The following SS18L1 variants were observed in gnomAD, a reference collection of about 807,000 sequenced individuals.
SS18L1 encodes SS18L1 subunit of BAF chromatin remodeling complex.
In SS18L1, 32 loss-of-function variants were observed where a neutral mutation model predicts 70.3. The ratio of observed to expected loss-of-function variants is 0.46; its 90% confidence interval spans 0.34 to 0.61. SS18L1 has a LOEUF of 0.61. Ranked by LOEUF, SS18L1 falls within the 20% of genes least tolerant of loss-of-function variation. SS18L1 has a pLI of 0.01. For synonymous variants in SS18L1, 237 were observed against 229.7 expected (o/e 1.03, Z -0.29); for missense variants, 430 against 542.1 (o/e 0.79, Z 2.05).
chr20:62,165,511 G>T lies in SS18L1; in HGVS notation c.913G>T (p.Gly305Trp). 6.2e-7 allele frequency: 1 copy of T among 1,611,398 alleles called. No individual in the cohort carries two copies. Among genetic ancestry groups the T allele is most frequent in the East Asian group, 2.2e-5 (1 of 44,788 alleles). ...GGAGTCCACGCAGCACTACTATGAG[G>T]GGGGTAAGGAGCACGGCTGCGTGCT... ...FEESTQHYYE[G>W]GNSQYSQQQA... The change falls in exon 8 of 11, where the codon GGG (glycine) becomes TGG (tryptophan). Residue 305 changes from glycine to tryptophan, a missense_variant. Transcript: ENST00000331758.
rs919860929 is a variant in SS18L1 at position 62,174,692 on chromosome 20, G to A, written c.1164+48G>A. On this transcript the variant is annotated intron_variant, in intron 10 of 10. Transcript: ENST00000331758. This position sits in a 1 kb window ranked among gnomAD's most constrained non-coding sequence, Gnocchi z 4.1. The stretch of plus-strand genomic sequence containing the variant: ...GATGTGCCCATCCGCCGCGCCTGTC[G>A]AGACATAATGAAGATTTCTCTTATG... 13 of 1,612,506 alleles carry A rather than the reference G, an allele frequency of 8.1e-6. No individual in the cohort carries two copies. Among genetic ancestry groups the A allele is most frequent in the East Asian group, 2.2e-5 (1 of 44,872 alleles).
intron 1 of SS18L1, among the ~76,000 whole-genome samples, chr20:62,153,357 G>C (rs1267590994): frequency 6.6e-6 from 1 of 152,216 alleles, no homozygotes; most frequent in African/African-American, 2.4e-5. Flanking sequence ...GTAACCTCAG[G>C]AGTAATGCCT....
At chr20:62,162,672 G>A (rs2057350466) in intron 4 of SS18L1, 80 bp from the exon 5 acceptor site, 1 of 1,458,486 alleles carries the variant, frequency 6.9e-7, no homozygotes. Context: ...TCACTTGAAG[G>A]GAAATTGGGG....
At chr20:62,165,278 A>C in intron 7 of SS18L1, 144 bp from the exon 8 acceptor site, 1 of 710,588 alleles carries the variant, frequency 1.4e-6, no homozygotes, top group Non-Finnish European at 2.3e-6. Flanking sequence ...AGGTTGGGGC[A>C]TGGTTTTGGG....
intron 8 of SS18L1, among the ~76,000 whole-genome samples, chr20:62,167,765 A>G (rs2057460982): frequency 6.6e-6 from 1 of 151,986 alleles, no homozygotes; most frequent in African/African-American, 2.4e-5. Context: ...CTTTGTCCCA[A>G]AAACAAACGC....
At chr20:62,167,397 GAA>G (rs74893564) in intron 8 of SS18L1, among the ~76,000 whole-genome samples, 4 of 122,208 alleles carry the variant, frequency 3.3e-5, no homozygotes, top group Non-Finnish European at 3.5e-5. Context: ...TTTCTCTCCC[GAA>G]AAAAAAAAAA....
In SS18L1 at chr20:62,143,800, G is replaced by C. The variant is rs769062782; in HGVS notation, c.-21G>C. ...GGAGTATCCACCTCGATGACCACGG[G>C]CTGAGCCCCGCGCCGCCACCATGTC... On this transcript the variant is annotated 5_prime_UTR_variant, in exon 1 of 11. Coordinates refer to ENST00000331758, the MANE Select transcript of SS18L1 (RefSeq NM_198935.3). 2.2e-6 allele frequency: 3 copies of C among 1,352,152 alleles called. No individual in the cohort carries two copies. The highest frequency in any genetic ancestry group is 2.9e-6 in the Non-Finnish European group (3 of 1,021,956). The allele number at this position is 1,352,152 out of a possible 1,614,324, so 83.8% of individuals were successfully genotyped here.
At position 62,159,694 on chromosome 20, in the gene SS18L1, C is replaced by G. The variant is rs75578615; in HGVS notation, c.147-183C>G. Among the ~76,000 whole-genome samples, 5,056 of 151,068 alleles carry G rather than the reference C, an allele frequency of 0.033. 256 individuals are homozygous for G. Among genetic ancestry groups the G allele is most frequent in the African/African-American group, 0.11 (4,532 of 41,352 alleles). On this transcript the variant is annotated intron_variant, in intron 2 of 10. Transcript: ENST00000331758. This position sits in a 1 kb window ranked among gnomAD's most constrained non-coding sequence, Gnocchi z 4.4. The stretch of plus-strand genomic sequence containing the variant: ...TTGGGGTAGAGGCTGCCCTCCCGTC[C>G]CCACCGAGACCCCAGCACCCTGCCA...
intron 8 of SS18L1, among the ~76,000 whole-genome samples, chr20:62,166,356 G>A (rs2057431509): frequency 6.6e-6 from 1 of 152,244 alleles, no homozygotes; most frequent in African/African-American, 2.4e-5. Context: ...AGAGGTAACA[G>A]TGTTGGTGAG....
intron 10 of SS18L1, among the ~76,000 whole-genome samples, chr20:62,178,895 TC>T (rs1399455234): frequency 6.6e-6 from 1 of 152,218 alleles, no homozygotes; most frequent in Non-Finnish European, 1.5e-5. Flanking sequence ...AGGAGAGCCT[TC>T]CTGCATAGCA....
At chr20:62,148,327 G>A (rs985827247) in intron 1 of SS18L1, among the ~76,000 whole-genome samples, 3 of 150,132 alleles carry the variant, frequency 2.0e-5, no homozygotes, top group Non-Finnish European at 4.5e-5. Context: ...GGTGAGGGAG[G>A]CTTGGCCTCC....
At chr20:62,157,790 G>A (rs1048691943) in intron 1 of SS18L1, among the ~76,000 whole-genome samples, 1 of 152,186 alleles carries the variant, frequency 6.6e-6, no homozygotes, top group African/African-American at 2.4e-5. Context: ...AGCACCCCTG[G>A]GGGTGAGGGC....
chr20:62,154,408 A>C lies in SS18L1; in HGVS notation c.70-4264A>C, dbSNP rs2057186169. ...CTGGTTGCGGTTTCGGCGGACTAGA[A>C]TTTCTACGCAGAAGTCTCCCTCAGG... On this transcript the variant is annotated intron_variant, in intron 1 of 10. Transcript: ENST00000331758. 5 of 1,045,406 alleles carry C rather than the reference A, an allele frequency of 4.8e-6. No homozygotes were observed. In the African/African-American group the frequency reaches 8.4e-5, roughly 17 times the overall value. 64.8% of individuals were successfully genotyped at this position (1,045,406 alleles called of 1,614,324 possible). A position where few individuals can be genotyped will look rare whatever the true frequency, so the allele number is the denominator to read the frequency against.
At chr20:62,156,405 GC>G (rs1412617872) in intron 1 of SS18L1, among the ~76,000 whole-genome samples, 1 of 152,180 alleles carries the variant, frequency 6.6e-6, no homozygotes, top group Non-Finnish European at 1.5e-5. Flanking sequence ...TCCCCTGGCG[GC>G]CCCCCACCCC....
Position 62,161,688 on chromosome 20 carries a change from T to C in SS18L1, c.376+108T>C, listed in dbSNP as rs760180185. Reference sequence around the variant, plus strand: ...ACCCCACCCCTCACAGGGCTGGGCATGGGACCCACTCCTCCTGGGGTAGCC... The same window carrying C: ...ACCCCACCCCTCACAGGGCTGGGCACGGGACCCACTCCTCCTGGGGTAGCC... On this transcript the variant is annotated intron_variant, in intron 4 of 10. Coordinates refer to ENST00000331758, the MANE Select transcript of SS18L1 (RefSeq NM_198935.3). The surrounding 1 kb of genome is among the most constrained non-coding windows in gnomAD (Gnocchi z 4.4). 8 of 1,440,338 alleles carry C rather than the reference T, an allele frequency of 5.6e-6. No homozygotes were observed. The highest frequency in any genetic ancestry group is 2.5e-4 in the Middle Eastern group (1 of 3,968). 89.2% of individuals were successfully genotyped at this position (1,440,338 alleles called of 1,614,324 possible).
At chr20:62,153,942 T>A (rs1057021063) in intron 1 of SS18L1, among the ~76,000 whole-genome samples, 2 of 152,200 alleles carry the variant, frequency 1.3e-5, no homozygotes, top group African/African-American at 4.8e-5. Flanking sequence ...GCTGGCATGT[T>A]AACGCCACCT....
chr20:62,165,507 T>A lies in SS18L1; in HGVS notation c.909T>A (p.Tyr303Ter). ...TCGAGGAGTCCACGCAGCACTACTA[T>A]GAGGGGGGTAAGGAGCACGGCTGCG... is the stretch of plus-strand genomic sequence containing the variant. Reference protein sequence around the residue: ...RSFEESTQHYYEGGNSQYSQQ... With the variant: ...RSFEESTQHY Residue 303 changes from tyrosine (Y) to a stop codon, truncating the protein, a stop_gained, in exon 8 of 11, where the codon TAT (tyrosine) becomes TAA (stop). Coordinates refer to ENST00000331758, the MANE Select transcript of SS18L1 (RefSeq NM_198935.3). LOFTEE classifies it high-confidence loss of function. The A allele has an allele frequency of 6.2e-7, 1 of 1,611,620 alleles. No individual in the cohort carries two copies. The highest frequency in any genetic ancestry group is 8.5e-7 in the Non-Finnish European group (1 of 1,179,244).
At chr20:62,169,470 T>C (rs2057491726) in intron 8 of SS18L1, among the ~76,000 whole-genome samples, 1 of 152,170 alleles carries the variant, frequency 6.6e-6, no homozygotes, top group Non-Finnish European at 1.5e-5. Context: ...TATTGGCAGC[T>C]TCAGAAGTTA....
At chr20:62,170,816 C>T (rs754379636) in intron 8 of SS18L1, among the ~76,000 whole-genome samples, 36 of 152,186 alleles carry the variant, frequency 2.4e-4, no homozygotes, top group Non-Finnish European at 4.6e-4. Flanking sequence ...GTGTTCTGAG[C>T]TGGCACTCTC....
Sources: allele counts gnomAD v4.1 joint callset (sites outside exome capture counted in the v4.1 genomes callset), GRCh38; gene constraint gnomAD v4.1.1; non-coding constraint Gnocchi (gnomAD v3.1); transcripts MANE v1.5; gene names NCBI Gene and HGNC (gene_info 2026-07-23, HGNC 2026-07-21).